The following AMDHD1 variants were observed in gnomAD, a reference collection of about 807,000 sequenced individuals.
AMDHD1 encodes the protein amidohydrolase domain containing 1, also known as probable imidazolonepropionase.
A neutral mutation model predicts 44.1 loss-of-function variants in AMDHD1; 45 were observed. The ratio of observed to expected loss-of-function variants is 1.02; its 90% confidence interval spans 0.80 to 1.31. AMDHD1 has a LOEUF of 1.31. Among genes scored for constraint, AMDHD1 ranks in the 50% most tolerant of loss-of-function variants. AMDHD1 has a pLI of 0.00. For synonymous variants in AMDHD1, 206 were observed against 205.0 expected, an observed-to-expected ratio of 1.00 and a Z score of -0.04; for missense variants, 586 against 552.1, an observed-to-expected ratio of 1.06 and a Z score of -0.61.
intron 3 of AMDHD1, among the ~76,000 whole-genome samples, chr12:95,956,065 G>A (rs2080547687): frequency 6.6e-6 from 1 of 151,422 alleles, no homozygotes; most frequent in African/African-American, 2.4e-5. Flanking sequence ...TGATTGACTT[G>A]TTAAAATATT....
intron 1 of AMDHD1, among the ~76,000 whole-genome samples, chr12:95,944,573 C>T (rs980347707): frequency 6.6e-6 from 1 of 151,750 alleles, no homozygotes; most frequent in Non-Finnish European, 1.5e-5. Flanking sequence ...CACGCCACCA[C>T]GCCAGGCTAA....
rs185841714 is a variant in AMDHD1, at chr12:95,962,328, C to A, written c.814-27C>A. ...GATTCGTTGTTGCTATTTGTTAAAT[C>A]TTTCCCTCTCTGCCCATTCTCCTTA... On this transcript the variant is annotated intron_variant, in intron 5 of 8. Transcript: ENST00000266736. The A allele has an allele frequency of 3.1e-4, 496 of 1,595,756 alleles. 2 individuals carry two copies. In the East Asian group the frequency reaches 6.7e-3, roughly 22 times the overall value.
In AMDHD1 at chr12:95,947,340, G is replaced by A. The variant is rs1592820276; in HGVS notation, c.137+3805G>A. ...TGGGAGGTGAGGAGCGTCTCTGCCC[G>A]GCCGCCCCGTCTGAGAAGTGAGGAG... On this transcript the variant is annotated intron_variant, in intron 1 of 8. Coordinates refer to ENST00000266736, the MANE Select transcript of AMDHD1 (RefSeq NM_152435.3). 4 of 15,932 alleles carry A rather than the reference G, an allele frequency of 2.5e-4. 1 individual carries two copies. The highest frequency in any genetic ancestry group is 2.2e-3 in the Admixed American group (4 of 1,782). 1.0% of individuals were successfully genotyped at this position (15,932 alleles called of 1,614,324 possible).
At position 95,948,538 on chromosome 12, in the gene AMDHD1, TGG is replaced by T. The variant is rs1386260432; in HGVS notation, c.138-4170_138-4169del. Among the ~76,000 whole-genome samples, 175 of 29,578 alleles carry T rather than the reference TGG, an allele frequency of 5.9e-3. 5 individuals carry two copies. Among genetic ancestry groups the T allele is most frequent in the African/African-American group, 0.017 (165 of 9,658 alleles). The allele number at this position is 29,578 out of a possible 152,430, so 19.4% of individuals were successfully genotyped here. A position where few individuals can be genotyped will look rare whatever the true frequency, so the allele number is the denominator to read the frequency against. On this transcript the variant is annotated intron_variant, in intron 1 of 8. Coordinates refer to ENST00000266736, the MANE Select transcript of AMDHD1 (RefSeq NM_152435.3). Reference sequence around the variant, plus strand: ...CCAGCTGCCCCGTCCGGGAGGGAGGTGGGGGGGGGGTCAGCCCCCACCGCCCA... The same window carrying T: ...CCAGCTGCCCCGTCCGGGAGGGAGGTGGGGGGGGTCAGCCCCCACCGCCCA...
At chr12:95,964,147 T>C (rs12581429) in intron 6 of AMDHD1, among the ~76,000 whole-genome samples, 1 of 152,138 alleles carries the variant, frequency 6.6e-6, no homozygotes, top group Non-Finnish European at 1.5e-5. Context: ...GTCTGAACTT[T>C]GTTCCTATAC....
intron 1 of AMDHD1, among the ~76,000 whole-genome samples, chr12:95,950,580 A>G (rs1329911128): frequency 6.6e-6 from 1 of 152,234 alleles, no homozygotes; most frequent in East Asian, 1.9e-4. Context: ...AAATCCAGAC[A>G]TACGAATGCA....
chr12:95,957,000 G>A (rs959133061), intron 4 of AMDHD1, 38 bp downstream of exon 4: 2 of 1,607,130 alleles, frequency 1.2e-6, no homozygotes, highest in African/African-American at 2.7e-5. Flanking sequence ...TTAACTCAGA[G>A]CATTGAAAAC....
chr12:95,962,235 A>G (rs1389634433), intron 5 of AMDHD1, 120 bp from the exon 6 acceptor site: 3 of 1,416,194 alleles, frequency 2.1e-6, no homozygotes, highest in Non-Finnish European at 2.8e-6. Context: ...TACTGCACCC[A>G]GCCTGGCTAC....
chr12:95,966,616 A>C lies in AMDHD1; in HGVS notation c.1193+108A>C, dbSNP rs1308866279. On this transcript the variant is annotated intron_variant, in intron 8 of 8. Transcript: ENST00000266736. ...TTAGTGTCAGACTCTGTCTGGACTC[A>C]GACACTATCCAGTCCCCTCTATCTT... 7.3e-6 allele frequency: 10 copies of C among 1,366,606 alleles called. No individual in the cohort carries two copies. In the Admixed American group the frequency reaches 1.7e-4, roughly 24 times the overall value. 84.7% of individuals were successfully genotyped at this position (1,366,606 alleles called of 1,614,324 possible). A position where few individuals can be genotyped will look rare whatever the true frequency, so the allele number is the denominator to read the frequency against.
rs1478806290 is a variant in AMDHD1, at chr12:95,967,696, G to A, written c.1194-60G>A. On this transcript the variant is annotated intron_variant, in intron 8 of 8. Coordinates refer to ENST00000266736, the MANE Select transcript of AMDHD1 (RefSeq NM_152435.3). ...TTTAAAATTAGCATTTATTGATAAAGTAATAATTTTTACTTGCACACATTG... is the reference window on the plus strand; with the variant it reads ...TTTAAAATTAGCATTTATTGATAAAATAATAATTTTTACTTGCACACATTG... 4.0e-6 allele frequency: 5 copies of A among 1,262,738 alleles called. No individual in the cohort carries two copies. The African/African-American group carries it at 7.8e-5, about 20-fold the overall frequency. 78.2% of individuals were successfully genotyped at this position (1,262,738 alleles called of 1,614,324 possible).
At chr12:95,963,180 CTT>C (rs1417189663) in intron 6 of AMDHD1, among the ~76,000 whole-genome samples, 10 of 152,188 alleles carry the variant, frequency 6.6e-5, no homozygotes, top group African/African-American at 2.4e-4. Context: ...GGACTAGGTG[CTT>C]TCTGTGTAGC....
At chr12:95,946,061 C>CTCTCTGTGTGTGTGTG (rs1403742643) in intron 1 of AMDHD1, among the ~76,000 whole-genome samples, 27 of 122,578 alleles carry the variant, frequency 2.2e-4, no homozygotes, top group African/African-American at 7.2e-4. Flanking sequence ...CTCTTTCTCT[C>CTCTCTGTGTGTGTGTG]TGTGTGTGTG....
At chr12:95,955,827 C>T (rs773699915) in intron 3 of AMDHD1, among the ~76,000 whole-genome samples, 10 of 152,182 alleles carry the variant, frequency 6.6e-5, no homozygotes, top group Non-Finnish European at 1.2e-4. Flanking sequence ...CCCAGAGTAA[C>T]TGGAGCCCAG....
At chr12:95,947,747 C>T (rs1208609812) in intron 1 of AMDHD1, among the ~76,000 whole-genome samples, 13 of 78,996 alleles carry the variant, frequency 1.6e-4, no homozygotes, top group East Asian at 1.3e-3. Flanking sequence ...CCAGCCGCCC[C>T]GTCCGGGAGG....
At chr12:95,960,995 TA>T (rs2080578653) in intron 5 of AMDHD1, among the ~76,000 whole-genome samples, 1 of 151,690 alleles carries the variant, frequency 6.6e-6, no homozygotes, top group Non-Finnish European at 1.5e-5. Flanking sequence ...ACTAAAAATA[TA>T]AAAAATTAGC....
At position 95,963,616 on chromosome 12, in the gene AMDHD1, C is replaced by T. The variant is rs144037903; in HGVS notation, c.938+1137C>T. Among the ~76,000 whole-genome samples, 45 of 152,238 alleles carry T rather than the reference C, an allele frequency of 3.0e-4. No individual in the cohort carries two copies. The East Asian group carries it at 8.5e-3, about 29-fold the overall frequency. On this transcript the variant is annotated intron_variant, in intron 6 of 8. Coordinates refer to ENST00000266736, the MANE Select transcript of AMDHD1 (RefSeq NM_152435.3). ...GACTATAATCAGGAAATATCAATAACGGTTCTTGGTATGACCAACGTCTTA... is the reference window on the plus strand; with the variant it reads ...GACTATAATCAGGAAATATCAATAATGGTTCTTGGTATGACCAACGTCTTA...
chr12:95,952,946 C>A, intron 2 of AMDHD1, 123 bp downstream of exon 2: 1 of 599,138 alleles, frequency 1.7e-6, no homozygotes, highest in Non-Finnish European at 2.9e-6. Flanking sequence ...AATCATCGTT[C>A]CATGTATTGA....
At chr12:95,954,817 T>A (rs2080542171) in intron 2 of AMDHD1, 94 bp from the exon 3 acceptor site, 2 of 1,156,892 alleles carry the variant, frequency 1.7e-6, no homozygotes, top group African/African-American at 3.1e-5. Flanking sequence ...CATCACACTT[T>A]CCCCAGAGCA....
rs541980106 is a variant in AMDHD1 at position 95,964,615 on chromosome 12, T to C, written c.939-1071T>C. On this transcript the variant is annotated intron_variant, in intron 6 of 8. Transcript: ENST00000266736. Reference sequence around the variant, plus strand: ...TTCACTCACCTCCTCTCATACGTTGTTGAAAAACATTTTAAGTGGTCCTAC... The same window carrying C: ...TTCACTCACCTCCTCTCATACGTTGCTGAAAAACATTTTAAGTGGTCCTAC... 4.6e-5 allele frequency among the ~76,000 whole-genome samples: 7 copies of C among 152,156 alleles called. No homozygotes were observed. The South Asian group carries it at 8.3e-4, about 18-fold the overall frequency.
Sources: gnomAD v4.1 joint callset for allele counts (sites outside exome capture counted in the v4.1 genomes callset) on GRCh38, gnomAD v4.1.1 for gene constraint, MANE v1.5 for transcripts, NCBI Gene and HGNC (gene_info 2026-07-23, HGNC 2026-07-21) for gene names.